The following LARP1B variants were observed in gnomAD, a reference collection of about 807,000 sequenced individuals.
LARP1B encodes la-related protein 1B.
A neutral mutation model predicts 114.2 loss-of-function variants in LARP1B; 76 were observed. The ratio of observed to expected loss-of-function variants is 0.67; its 90% CI spans 0.55 to 0.81. The LOEUF is 0.81. Ranked by LOEUF, LARP1B falls within the 30% of genes least tolerant of loss-of-function variation. The pLI is 0.00. For missense variants in LARP1B, 1,014 were observed against 1,075.8 expected (o/e 0.94, Z 0.80); for synonymous variants, 345 against 348.0 (o/e 0.99, Z 0.10).
intron 11 of LARP1B, among the ~76,000 whole-genome samples, chr4:128,148,218 G>T (rs1313226352): frequency 6.6e-6 from 1 of 152,050 alleles, no homozygotes; most frequent in African/African-American, 2.4e-5. Flanking sequence ...ATCACCTAAG[G>T]GCAGGAGTTT....
At chr4:128,207,467 G>A (rs1757912748) in intron 19 of LARP1B, 84 bp downstream of exon 19, 1 of 946,410 alleles carries the variant, frequency 1.1e-6, no homozygotes, top group Non-Finnish European at 1.5e-6. Context: ...CTTTAATTTT[G>A]TAATTTTTAT....
intron 9 of LARP1B, among the ~76,000 whole-genome samples, chr4:128,112,328 T>C (rs1784391119): frequency 6.6e-6 from 1 of 152,028 alleles, no homozygotes; most frequent in African/African-American, 2.4e-5. Flanking sequence ...TAAAAATTAA[T>C]GGCACTATTT....
chr4:128,066,512 T>C (rs1762948096), intron 1 of LARP1B, among the ~76,000 whole-genome samples: 1 of 148,534 alleles, frequency 6.7e-6, no homozygotes, highest in Non-Finnish European at 1.5e-5. Context: ...AGTTTCATTC[T>C]TGTTGCCCAG....
intron 5 of LARP1B, among the ~76,000 whole-genome samples, chr4:128,089,693 G>A (rs1368108863): frequency 1.3e-5 from 2 of 151,964 alleles, no homozygotes; most frequent in Non-Finnish European, 2.9e-5. Flanking sequence ...TAAAATATTT[G>A]TTGTACTGGG....
chr4:128,153,440 G>A (rs1178933774), intron 11 of LARP1B, among the ~76,000 whole-genome samples: 6 of 151,890 alleles, frequency 4.0e-5, no homozygotes, highest in African/African-American at 7.3e-5. Context: ...CCTCAGCCAC[G>A]GACTACAGGC....
chr4:128,114,880 G>A (rs770325806), intron 10 of LARP1B, 138 bp downstream of exon 10: 21 of 641,116 alleles, frequency 3.3e-5, no homozygotes, highest in Non-Finnish European at 5.4e-5. Context: ...TTGGCCTTCA[G>A]TAGACACTTA....
intron 15 of LARP1B, among the ~76,000 whole-genome samples, chr4:128,198,219 G>A (rs1754903860): frequency 6.6e-6 from 1 of 151,992 alleles, no homozygotes. Context: ...AAAATGCTTT[G>A]TGTTTTCTTC....
chr4:128,084,655 GGAGAGC>G (rs1772660379), intron 5 of LARP1B, among the ~76,000 whole-genome samples: 2 of 151,916 alleles, frequency 1.3e-5, no homozygotes, highest in African/African-American at 4.8e-5. Context: ...AGAGGGAGAG[GGAGAGC>G]GGAATTTATT....
In LARP1B at chr4:128,179,492, G is replaced by A; in HGVS notation, c.1983G>A (p.Gly661=). 1.2e-6 allele frequency: 2 copies of A among 1,600,404 alleles called. No individual in the cohort carries two copies. Among genetic ancestry groups the A allele is most frequent in the Middle Eastern group, 1.7e-4 (1 of 6,034 alleles). Residue 661 remains glycine, a synonymous_variant, in exon 15 of 20, where the codon GGG becomes GGA. Coordinates refer to ENST00000326639, the MANE Select transcript of LARP1B (RefSeq NM_018078.4). ...GGGTAATGGATTCCAGAGACCGTGG[G>A]CCAGGAACATCCTCTGTCAGGTACT... ...VGWVMDSRDR[G]PGTSSVSTSN...
At chr4:128,209,683 A>G (rs1202848763) in intron 19 of LARP1B, among the ~76,000 whole-genome samples, 173 bp from the exon 20 acceptor site, 2 of 147,778 alleles carry the variant, frequency 1.4e-5, no homozygotes, top group African/African-American at 2.5e-5. Context: ...AGATCGCGCC[A>G]CTGCACTCCA....
intron 11 of LARP1B, chr4:128,123,107 G>A: frequency 3.0e-6 from 3 of 985,268 alleles, no homozygotes; most frequent in Non-Finnish European, 3.6e-6. Flanking sequence ...CTGTCGGTGG[G>A]GCTTCATATC....
At chr4:128,119,547 C>T (rs538070338) in intron 10 of LARP1B, among the ~76,000 whole-genome samples, 1 of 152,322 alleles carries the variant, frequency 6.6e-6, no homozygotes, top group South Asian at 2.1e-4. Context: ...ATTGGATTGA[C>T]TGTTCCAGCT....
chr4:128,092,704 C>T (rs1227545980), intron 7 of LARP1B: 2 of 936,684 alleles, frequency 2.1e-6, no homozygotes, highest in Non-Finnish European at 2.5e-6. Flanking sequence ...TCCTGGGTTG[C>T]CTTCATGGTG....
At chr4:128,163,765 G>GTTA (rs201477688) in intron 12 of LARP1B, among the ~76,000 whole-genome samples, 22 of 152,016 alleles carry the variant, frequency 1.4e-4, no homozygotes, top group African/African-American at 4.8e-4. Context: ...TTCTATTACA[G>GTTA]TTATTATTAT....
At chr4:128,146,373 G>A (rs960683546) in intron 11 of LARP1B, among the ~76,000 whole-genome samples, 1 of 152,176 alleles carries the variant, frequency 6.6e-6, no homozygotes, top group African/African-American at 2.4e-5. Flanking sequence ...GATAGTTGTT[G>A]AAACCATGTG....
chr4:128,100,429 A>C (rs7671641), intron 8 of LARP1B, among the ~76,000 whole-genome samples: 95,616 of 151,684 alleles, frequency 0.63, 30,556 homozygotes, highest in Middle Eastern at 0.81. Context: ...CACGCCACCA[A>C]GCCTATCTAA....
At chr4:128,100,256 C>T (rs1019294912) in intron 8 of LARP1B, among the ~76,000 whole-genome samples, 7 of 151,878 alleles carry the variant, frequency 4.6e-5, no homozygotes, top group Admixed American at 6.6e-5. Context: ...AGCTACCGCG[C>T]GCCTGGCCTG....
At chr4:128,222,213 C>A in intron 7 of LARP1B, 1 of 408,844 alleles carries the variant, frequency 2.4e-6, no homozygotes, top group Non-Finnish European at 5.0e-6. Context: ...GCTTAGATGC[C>A]GTTATTTCTA....
At chr4:128,080,418 T>C (rs1477117844) in intron 4 of LARP1B, among the ~76,000 whole-genome samples, 1 of 152,202 alleles carries the variant, frequency 6.6e-6, no homozygotes, top group Non-Finnish European at 1.5e-5. Context: ...GAAGGGCTTC[T>C]TTGTGTCAAG....
Sources: allele counts gnomAD v4.1 joint callset (sites outside exome capture counted in the v4.1 genomes callset), GRCh38; gene constraint gnomAD v4.1.1; transcripts MANE v1.5; gene names NCBI Gene and HGNC (gene_info 2026-07-23, HGNC 2026-07-21).